The following CABP7 variants were observed in gnomAD, a reference collection of about 807,000 sequenced individuals.
The protein encoded by CABP7 is calcium binding protein 7.
In CABP7, 13 loss-of-function variants were observed where a neutral mutation model predicts 23.1. That is an observed-to-expected ratio of 0.56 (90% CI 0.37 to 0.90). The LOEUF (loss-of-function observed/expected upper bound fraction) is 0.90. CABP7 is among the 40% of genes least tolerant of loss of function. The pLI is 0.01. For missense variants in CABP7, 248 were observed against 295.6 expected, an observed-to-expected ratio of 0.84 and a Z score of 1.18; for synonymous variants, 123 against 115.3, an observed-to-expected ratio of 1.07 and a Z score of -0.43.
At chr22:29,723,784 G>A (rs1263156845) in intron 1 of CABP7, among the ~76,000 whole-genome samples, 1 of 152,234 alleles carries the variant, frequency 6.6e-6, no homozygotes, top group Non-Finnish European at 1.5e-5. Flanking sequence ...CCAGTGCCAC[G>A]GAGAGTAGCA....
At position 29,731,805 on chromosome 22, in the gene CABP7, A is replaced by C. The variant is rs1385024517; in HGVS notation, c.*2236A>C. The C allele has an allele frequency of 6.5e-6, 1 of 153,050 alleles. No individual in the cohort carries two copies. The highest frequency in any genetic ancestry group is 1.5e-5 in the Non-Finnish European group (1 of 68,566). 9.5% of individuals were successfully genotyped at this position (153,050 alleles called of 1,614,324 possible). On this transcript the variant is annotated 3_prime_UTR_variant, in exon 5 of 5. Coordinates refer to ENST00000216144, the MANE Select transcript of CABP7 (RefSeq NM_182527.3). The stretch of plus-strand genomic sequence containing the variant: ...AAAAATATATAAAATATATAAATGC[A>C]TAAAAAAATCCTGGAAGACACAGCA...
At chr22:29,722,779 C>T (rs1030661928) in intron 1 of CABP7, among the ~76,000 whole-genome samples, 11 of 152,230 alleles carry the variant, frequency 7.2e-5, no homozygotes, top group Non-Finnish European at 1.2e-4. Context: ...GCCGGGAGGA[C>T]GCCATTCGCG....
intron 1 of CABP7, among the ~76,000 whole-genome samples, chr22:29,722,011 T>G (rs1410774106): frequency 2.6e-5 from 4 of 152,094 alleles, no homozygotes; most frequent in African/African-American, 4.8e-5. Context: ...CCCACCTTTG[T>G]CCCCTCCGGC....
chr22:29,725,357 A>C (rs1470001612), intron 1 of CABP7, among the ~76,000 whole-genome samples: 3 of 152,182 alleles, frequency 2.0e-5, no homozygotes, highest in East Asian at 3.9e-4. Context: ...AGCAAGCGGT[A>C]TGTGAACTGC....
chr22:29,723,667 G>T (rs911883289), intron 1 of CABP7, among the ~76,000 whole-genome samples: 1 of 152,216 alleles, frequency 6.6e-6, no homozygotes, highest in Non-Finnish European at 1.5e-5. Flanking sequence ...GGCCTTTAGG[G>T]CAGGGGAGGC....
Position 29,728,709 on chromosome 22 carries a change from C to T in CABP7, c.333C>T (p.Phe111=). The T allele has an allele frequency of 6.2e-7, 1 of 1,613,512 alleles. No individual in the cohort carries two copies. Residue 111 remains phenylalanine, a synonymous_variant, in exon 3 of 5, where the codon TTC becomes TTT. Coordinates refer to ENST00000216144, the MANE Select transcript of CABP7 (RefSeq NM_182527.3). ...CCACCTCAGGGATCCCAGAGAAGTT[C>T]CATGGCACCGACTTTGATACTGTCT... ...KLSTSGIPEK[F]HGTDFDTVFW... is the part of the protein sequence containing the mutation.
In CABP7 at chr22:29,728,721, C is replaced by CT; in HGVS notation, c.348dup (p.Asp117Ter). On this transcript the variant is annotated frameshift_variant, in exon 3 of 5. Transcript: ENST00000216144. LOFTEE classifies it high-confidence loss of function. ...TCCCAGAGAAGTTCCATGGCACCGA[C>CT]TTTGATACTGTCTTCTGGAAGGTAT... 6.2e-7 allele frequency: 1 copy of CT among 1,612,992 alleles called. No individual in the cohort carries two copies. Among genetic ancestry groups the CT allele is most frequent in the Non-Finnish European group, 8.5e-7 (1 of 1,179,260 alleles).
chr22:29,728,331 C>T (rs1447144985), intron 2 of CABP7, among the ~76,000 whole-genome samples: 6 of 152,150 alleles, frequency 3.9e-5, no homozygotes, highest in African/African-American at 1.2e-4. Context: ...CCAGGATGGC[C>T]GCAGGGTGCT....
At chr22:29,726,802 G>T (rs2067798467) in intron 1 of CABP7, among the ~76,000 whole-genome samples, 3 of 152,146 alleles carry the variant, frequency 2.0e-5, no homozygotes, top group Non-Finnish European at 4.4e-5. Flanking sequence ...ATGATTAAGG[G>T]ACAGCAGCCC....
At position 29,730,495 on chromosome 22, in the gene CABP7, AC is replaced by A. The variant is rs2067831640; in HGVS notation, c.*928del. 6.6e-6 allele frequency: 1 copy of A among 152,088 alleles called. No individual in the cohort carries two copies. Among genetic ancestry groups the A allele is most frequent in the Non-Finnish European group, 1.5e-5 (1 of 68,058 alleles). The allele number at this position is 152,088 out of a possible 1,614,324, so 9.4% of individuals were successfully genotyped here. A position where few individuals can be genotyped will look rare whatever the true frequency, so the allele number is the denominator to read the frequency against. On this transcript the variant is annotated 3_prime_UTR_variant, in exon 5 of 5. Transcript: ENST00000216144. ...TGAACTTTGGGAGGGCCCCTGTACT[AC>A]CTCCTGGGCCAAGAAACTGGCACAG...
chr22:29,725,279 GC>G (rs986111776), intron 1 of CABP7, among the ~76,000 whole-genome samples: 11 of 152,142 alleles, frequency 7.2e-5, no homozygotes, highest in African/African-American at 2.4e-4. Context: ...CTTCTCGGCT[GC>G]TTGGGGAGTG....
chr22:29,728,487 C>G, intron 2 of CABP7, 143 bp from the exon 3 acceptor site: 1 of 589,854 alleles, frequency 1.7e-6, no homozygotes, highest in Non-Finnish European at 3.1e-6. Context: ...CTGACACTGA[C>G]TCAAGGCTCA....
chr22:29,729,586 C>G lies in CABP7; in HGVS notation c.*17C>G. On this transcript the variant is annotated 3_prime_UTR_variant, in exon 5 of 5. Transcript: ENST00000216144. ...ATGAAGTAGACGCCACCTGGATGCC[C>G]CATCCACCGCATGCGGTGCCCGTGG... is the stretch of plus-strand genomic sequence containing the variant. 1 of 1,606,584 alleles carries G rather than the reference C, an allele frequency of 6.2e-7. No homozygotes were observed. Among genetic ancestry groups the G allele is most frequent in the Non-Finnish European group, 8.5e-7 (1 of 1,179,524 alleles).
At position 29,730,298 on chromosome 22, in the gene CABP7, G is replaced by C. The variant is rs1274163451; in HGVS notation, c.*729G>C. 6.5e-6 allele frequency: 1 copy of C among 152,736 alleles called. No individual in the cohort carries two copies. Among genetic ancestry groups the C allele is most frequent in the Non-Finnish European group, 1.5e-5 (1 of 68,092 alleles). 9.5% of individuals were successfully genotyped at this position (152,736 alleles called of 1,614,324 possible). A position where few individuals can be genotyped will look rare whatever the true frequency, so the allele number is the denominator to read the frequency against. ...AAGCTCGTGGAGGATGGGCATCTGA[G>C]GTGGCCCTGCAGCCCCCCACCTTCT... On this transcript the variant is annotated 3_prime_UTR_variant, in exon 5 of 5. Coordinates refer to ENST00000216144, the MANE Select transcript of CABP7 (RefSeq NM_182527.3).
At position 29,720,555 on chromosome 22, in the gene CABP7, C is replaced by T. The variant is rs1490255018; in HGVS notation, c.109+22C>T. The stretch of plus-strand genomic sequence containing the variant: ...GAGGGTGAGTGTCCGCCGGGATCCC[C>T]GCCCCGGCGGCCCTCCTACCTGTGC... On this transcript the variant is annotated intron_variant, in intron 1 of 4. Transcript: ENST00000216144. The surrounding 1 kb of genome is among the most constrained non-coding windows in gnomAD (Gnocchi z 5.2). The T allele has an allele frequency of 4.7e-6, 7 of 1,482,482 alleles. No individual in the cohort carries two copies. The highest frequency in any genetic ancestry group is 2.3e-4 in the Middle Eastern group (1 of 4,280). 91.8% of individuals were successfully genotyped at this position (1,482,482 alleles called of 1,614,324 possible). A position where few individuals can be genotyped will look rare whatever the true frequency, so the allele number is the denominator to read the frequency against.
intron 1 of CABP7, among the ~76,000 whole-genome samples, chr22:29,724,314 C>G (rs2067781027): frequency 6.6e-6 from 1 of 152,234 alleles, no homozygotes; most frequent in South Asian, 2.1e-4. Flanking sequence ...GCCCAGGCCT[C>G]TGGTCCCAGC....
Position 29,731,207 on chromosome 22 carries a change from C to G in CABP7, c.*1638C>G, listed in dbSNP as rs750516038. The G allele has an allele frequency of 6.8e-7, 1 of 1,478,418 alleles. No homozygotes were observed. Among genetic ancestry groups the G allele is most frequent in the Non-Finnish European group, 8.9e-7 (1 of 1,123,140 alleles). The allele number at this position is 1,478,418 out of a possible 1,614,324, so 91.6% of individuals were successfully genotyped here. A position where few individuals can be genotyped will look rare whatever the true frequency, so the allele number is the denominator to read the frequency against. On this transcript the variant is annotated 3_prime_UTR_variant, in exon 5 of 5. Transcript: ENST00000216144. ...ATGAGAAAAGTGACCACGTGGGGGTCAGTCGGGGGCAAGGGGCTCAGCCCC... is the reference window on the plus strand; with the variant it reads ...ATGAGAAAAGTGACCACGTGGGGGTGAGTCGGGGGCAAGGGGCTCAGCCCC...
rs753105475 is a variant in CABP7 at position 29,731,400 on chromosome 22, C to T, written c.*1831C>T. 66 of 1,524,922 alleles carry T rather than the reference C, an allele frequency of 4.3e-5. No individual in the cohort carries two copies. Among genetic ancestry groups the T allele is most frequent in the Non-Finnish European group, 5.7e-5 (65 of 1,148,884 alleles). The allele number at this position is 1,524,922 out of a possible 1,614,324, so 94.5% of individuals were successfully genotyped here. Reference sequence around the variant, plus strand: ...GGGGAGAATAAGAGTGCACTACAGCCCAGGCTTATGCCACCCCCAGCCCAC... The same window carrying T: ...GGGGAGAATAAGAGTGCACTACAGCTCAGGCTTATGCCACCCCCAGCCCAC... On this transcript the variant is annotated 3_prime_UTR_variant, in exon 5 of 5. Transcript: ENST00000216144.
At position 29,720,514 on chromosome 22, in the gene CABP7, C is replaced by T. The variant is rs756002466; in HGVS notation, c.90C>T (p.Ile30=). 6.4e-7 allele frequency: 1 copy of T among 1,550,890 alleles called. No homozygotes were observed. Among genetic ancestry groups the T allele is most frequent in the East Asian group, 2.6e-5 (1 of 38,270 alleles). Residue 30 remains isoleucine (I), a synonymous_variant, in exon 1 of 5, where the codon ATC becomes ATT. Coordinates refer to ENST00000216144, the MANE Select transcript of CABP7 (RefSeq NM_182527.3). This position sits in a 1 kb window ranked among gnomAD's most constrained non-coding sequence, Gnocchi z 5.2. Reference sequence around the variant, plus strand: ...TGTCGGAGCAGCGCCCGGTGGACATCCCGGAGGACGAGCTGGAGGGTGAGT... The same window carrying T: ...TGTCGGAGCAGCGCCCGGTGGACATTCCGGAGGACGAGCTGGAGGGTGAGT... ...NLLSEQRPVD[I]PEDELEEIRE...
Sources: allele counts gnomAD v4.1 joint callset (sites outside exome capture counted in the v4.1 genomes callset), GRCh38; gene constraint gnomAD v4.1.1; non-coding constraint Gnocchi (gnomAD v3.1); transcripts MANE v1.5; gene names NCBI Gene and HGNC (gene_info 2026-07-23, HGNC 2026-07-21).